The following NRXN3 variants were observed in gnomAD, a reference collection of about 807,000 sequenced individuals.
NRXN3 encodes neurexin III.
NRXN3 carries 32 observed loss-of-function variants against 137.6 expected under a neutral mutation model. The observed-to-expected ratio is 0.23, with a 90% CI of 0.18 to 0.31. NRXN3 has a LOEUF of 0.31. NRXN3 is among the 10% of genes least tolerant of loss of function. The probability of loss-of-function intolerance (pLI) is 1.00; values close to 1 mark genes in which losing one functional copy is unlikely to be tolerated. For missense variants in NRXN3, 1,574 were observed against 2,062.5 expected (o/e 0.76, Z 4.59); for synonymous variants, 798 against 784.5 (o/e 1.02, Z -0.29).
rs530811679 is a variant in NRXN3 at position 78,300,334 on chromosome 14, T to A, written c.757+2474T>A. ...ATGCAATTTCACATACATGTGGCTG[T>A]GCAGTACTTTTGCATGCAGACTTTG... On this transcript the variant is annotated intron_variant, in intron 4 of 20. Transcript: ENST00000335750. 4.6e-5 allele frequency among the ~76,000 whole-genome samples: 7 copies of A among 152,384 alleles called. No homozygotes were observed. In the East Asian group the frequency reaches 1.3e-3, roughly 29 times the overall value.
intron 15 of NRXN3, among the ~76,000 whole-genome samples, chr14:79,007,890 C>T: frequency 6.6e-6 from 1 of 150,590 alleles, no homozygotes; most frequent in Non-Finnish European, 1.5e-5. Context: ...GGTTATTTAC[C>T]ACCCCTGAGA....
At chr14:78,428,222 T>A (rs1486802484) in intron 4 of NRXN3, among the ~76,000 whole-genome samples, 3 of 152,186 alleles carry the variant, frequency 2.0e-5, no homozygotes, top group Non-Finnish European at 4.4e-5. Context: ...GAATAATACT[T>A]GGTAGCCACT....
intron 16 of NRXN3, among the ~76,000 whole-genome samples, chr14:79,633,613 C>G (rs1312993687): frequency 1.3e-5 from 2 of 152,206 alleles, no homozygotes; most frequent in South Asian, 2.1e-4. Context: ...AGCAAACCAC[C>G]TCTTCTGTTC....
At position 79,565,841 on chromosome 14, in the gene NRXN3, T is replaced by C. The variant is rs569000893; in HGVS notation, c.3445-97937T>C. Among the ~76,000 whole-genome samples, 3 of 152,236 alleles carry C rather than the reference T, an allele frequency of 2.0e-5. No homozygotes were observed. In the East Asian group the frequency reaches 5.8e-4, roughly 29 times the overall value. On this transcript the variant is annotated intron_variant, in intron 16 of 20. Transcript: ENST00000335750. Reference sequence around the variant, plus strand: ...TTATGTTTCCTCCATAATTAGAGTCTTATAAAAATATCAGCGTGAATTACT... The same window carrying C: ...TTATGTTTCCTCCATAATTAGAGTCCTATAAAAATATCAGCGTGAATTACT...
chr14:79,004,976 A>T (rs1319617399), intron 15 of NRXN3, among the ~76,000 whole-genome samples: 1 of 152,006 alleles, frequency 6.6e-6, no homozygotes, highest in African/African-American at 2.4e-5. Context: ...GTCCTTGGTG[A>T]CTTAAGTTTT....
At chr14:79,233,720 C>T (rs1003383327) in intron 15 of NRXN3, among the ~76,000 whole-genome samples, 12 of 150,508 alleles carry the variant, frequency 8.0e-5, no homozygotes, top group Non-Finnish European at 1.6e-4. Flanking sequence ...AACTTTATAA[C>T]GAGGATTAGA....
chr14:78,548,952 C>T (rs2096661512), intron 4 of NRXN3, among the ~76,000 whole-genome samples: 1 of 152,188 alleles, frequency 6.6e-6, no homozygotes. Context: ...CGCATCTGTT[C>T]CTGCATCCCT....
At chr14:79,174,657 T>A (rs867279369) in intron 15 of NRXN3, among the ~76,000 whole-genome samples, 4 of 151,428 alleles carry the variant, frequency 2.6e-5, no homozygotes, top group Non-Finnish European at 5.9e-5. Context: ...GAGGAAAGAT[T>A]AAGTAAATGT....
At chr14:79,643,424 T>C (rs184909608) in intron 16 of NRXN3, among the ~76,000 whole-genome samples, 3 of 135,008 alleles carry the variant, frequency 2.2e-5, no homozygotes, top group African/African-American at 4.9e-5. Flanking sequence ...TTATCTGTTA[T>C]AATTCCTCTC....
At chr14:78,521,680 TA>T (rs2096286291) in intron 4 of NRXN3, among the ~76,000 whole-genome samples, 1 of 152,118 alleles carries the variant, frequency 6.6e-6, no homozygotes, top group African/African-American at 2.4e-5. Flanking sequence ...CAAAAACATA[TA>T]AAAACCTTAA....
intron 3 of NRXN3, among the ~76,000 whole-genome samples, chr14:78,294,182 G>C (rs928107277): frequency 6.6e-6 from 1 of 152,134 alleles, no homozygotes; most frequent in Non-Finnish European, 1.5e-5. Flanking sequence ...TTGTCTGTCA[G>C]GTACTATAAT....
At chr14:78,310,030 C>G (rs1484168089) in intron 4 of NRXN3, among the ~76,000 whole-genome samples, 6 of 152,072 alleles carry the variant, frequency 3.9e-5, no homozygotes, top group Non-Finnish European at 8.8e-5. Flanking sequence ...AAAACACTTC[C>G]AGTTTGTATT....
At chr14:79,503,214 A>G (rs1027458296) in intron 16 of NRXN3, among the ~76,000 whole-genome samples, 15 of 152,096 alleles carry the variant, frequency 9.9e-5, no homozygotes, top group Non-Finnish European at 2.2e-4. Flanking sequence ...TGTTTTGTAT[A>G]TCTTGTTGCG....
At chr14:79,525,035 A>C (rs2097105598) in intron 16 of NRXN3, among the ~76,000 whole-genome samples, 1 of 152,190 alleles carries the variant, frequency 6.6e-6, no homozygotes, top group South Asian at 2.1e-4. Flanking sequence ...GTAGTCAGGC[A>C]GTTTCTGCGT....
At position 78,835,719 on chromosome 14, in the gene NRXN3, G is replaced by A. The variant is rs79197414; in HGVS notation, c.2275+25375G>A. On this transcript the variant is annotated intron_variant, in intron 10 of 20. Transcript: ENST00000335750. ...ACAGGTCCCAACTTTATAATTCTTT[G>A]GTCTTATCCAAGACTTTCATTTGTC... Among the ~76,000 whole-genome samples, 43 of 152,026 alleles carry A rather than the reference G, an allele frequency of 2.8e-4. No individual in the cohort carries two copies. In the East Asian group the frequency reaches 5.6e-3, roughly 20 times the overall value.
chr14:79,647,595 A>G (rs2098458257), intron 16 of NRXN3, among the ~76,000 whole-genome samples: 1 of 135,714 alleles, frequency 7.4e-6, no homozygotes, highest in Non-Finnish European at 1.7e-5. Context: ...TCTGCCTAAC[A>G]GTGATAGATT....
intron 16 of NRXN3, among the ~76,000 whole-genome samples, chr14:79,495,285 G>A (rs1379669949): frequency 1.3e-5 from 2 of 152,136 alleles, no homozygotes; most frequent in Non-Finnish European, 2.9e-5. Flanking sequence ...TAAATGTGTT[G>A]AAAAAAGAAC....
At chr14:78,381,472 C>G (rs191119840) in intron 4 of NRXN3, among the ~76,000 whole-genome samples, 5 of 152,244 alleles carry the variant, frequency 3.3e-5, no homozygotes, top group Non-Finnish European at 5.9e-5. Flanking sequence ...TCATAGATTG[C>G]TGGTGATATG....
In NRXN3 at chr14:78,709,213, A is replaced by G; in HGVS notation, c.1222-4A>G. 1.9e-6 allele frequency: 3 copies of G among 1,606,378 alleles called. No homozygotes were observed. The highest frequency in any genetic ancestry group is 1.7e-6 in the Non-Finnish European group (2 of 1,175,874). On this transcript the variant is annotated splice_region_variant and splice_polypyrimidine_tract_variant and intron_variant, in intron 6 of 20. Coordinates refer to ENST00000335750, the MANE Select transcript of NRXN3 (RefSeq NM_001330195.2). ...ACATGGCACTTTTGTTTGGCTTTTGACAGGTTGTTTATAAGAATAATGACA... is the reference window on the plus strand; with the variant it reads ...ACATGGCACTTTTGTTTGGCTTTTGGCAGGTTGTTTATAAGAATAATGACA...
Sources: gnomAD v4.1 joint callset for allele counts (sites outside exome capture counted in the v4.1 genomes callset) on GRCh38, gnomAD v4.1.1 for gene constraint, MANE v1.5 for transcripts, NCBI Gene and HGNC (gene_info 2026-07-23, HGNC 2026-07-21) for gene names.